The following OPHN1 variants were observed in gnomAD, a reference collection of about 807,000 sequenced individuals.
OPHN1 encodes the protein oligophrenin-1.
A neutral mutation model predicts 60.7 loss-of-function variants in OPHN1; 11 were observed. The ratio of observed to expected loss-of-function variants is 0.18; its 90% confidence interval spans 0.11 to 0.30. OPHN1 has a LOEUF of 0.30. Ranked by LOEUF, OPHN1 falls within the 10% of genes least tolerant of loss-of-function variation. The probability of loss-of-function intolerance (pLI) is 1.00; values close to 1 mark genes in which losing one functional copy is unlikely to be tolerated. For missense variants in OPHN1, 449 were observed against 611.0 expected, an observed-to-expected ratio of 0.73 and a Z score of 2.80; for synonymous variants, 226 against 222.6, an observed-to-expected ratio of 1.02 and a Z score of -0.14.
intron 5 of OPHN1, among the ~76,000 whole-genome samples, chrX:68,238,820 C>T (rs2077765736): frequency 9.0e-6 from 1 of 111,163 alleles, no homozygotes; most frequent in Non-Finnish European, 1.9e-5. Flanking sequence ...CCCAAGGCAG[C>T]ATCTAGGGGC....
At position 68,376,149 on chromosome X, in the gene OPHN1, TC is replaced by T. The variant is rs201607296; in HGVS notation, c.154+56717del. Among the ~76,000 whole-genome samples, 96 of 111,527 alleles carry T rather than the reference TC, an allele frequency of 8.6e-4. No individual in the cohort carries two copies. The East Asian group carries it at 9.6e-3, about 11-fold the overall frequency. ...CAATTATTTCAAGTCAGCAAGCATT[TC>T]CTTAATGCCAATCCTAGCACTAAGA... On this transcript the variant is annotated intron_variant, in intron 2 of 24. Coordinates refer to ENST00000355520, the MANE Select transcript of OPHN1 (RefSeq NM_002547.3).
At chrX:68,420,508 T>C (rs1268269592) in intron 2 of OPHN1, among the ~76,000 whole-genome samples, 7 of 112,115 alleles carry the variant, frequency 6.2e-5, no homozygotes, top group Non-Finnish European at 1.1e-4. Context: ...CATCTACCTA[T>C]ATATCCACAT....
chrX:68,109,699 C>G (rs2077096186), intron 18 of OPHN1, among the ~76,000 whole-genome samples: 1 of 111,408 alleles, frequency 9.0e-6, no homozygotes, highest in Non-Finnish European at 1.9e-5. Context: ...AAAAGAAAAG[C>G]TAGCATATTA....
At chrX:68,132,847 C>G (rs1397333080) in intron 15 of OPHN1, 3 of 268,992 alleles carry the variant, frequency 1.1e-5, no homozygotes, top group Non-Finnish European at 2.0e-5. Context: ...CGCTCCCGGT[C>G]CCTGGCCCGT....
At chrX:68,238,340 G>T (rs896691972) in intron 5 of OPHN1, among the ~76,000 whole-genome samples, 1 of 109,712 alleles carries the variant, frequency 9.1e-6, no homozygotes, top group Non-Finnish European at 1.9e-5. Flanking sequence ...ACCAATATCC[G>T]ACTGTTTTCA....
chrX:68,255,689 A>G (rs1333745663), intron 5 of OPHN1, among the ~76,000 whole-genome samples: 2 of 110,174 alleles, frequency 1.8e-5, no homozygotes, highest in African/African-American at 6.6e-5. Context: ...GTACAATCAT[A>G]TAAGAGAATT....
chrX:68,231,412 T>TA (rs1463991512), intron 6 of OPHN1, among the ~76,000 whole-genome samples: 1 of 111,863 alleles, frequency 8.9e-6, no homozygotes, highest in Non-Finnish European at 1.9e-5. Context: ...CGACACTAGA[T>TA]AAAATCTTAC....
At chrX:68,407,356 A>G (rs773415203) in intron 2 of OPHN1, among the ~76,000 whole-genome samples, 1 of 112,267 alleles carries the variant, frequency 8.9e-6, no homozygotes, top group Admixed American at 9.5e-5. Flanking sequence ...AAATAGGGAT[A>G]ATGATGCCTA....
At chrX:68,122,916 CA>C (rs1239447578) in intron 15 of OPHN1, among the ~76,000 whole-genome samples, 1 of 111,091 alleles carries the variant, frequency 9.0e-6, no homozygotes, top group Admixed American at 9.6e-5. Context: ...GAGAAAGAGA[CA>C]GGGGTAGCAA....
At chrX:68,385,097 A>G (rs2078617825) in intron 2 of OPHN1, among the ~76,000 whole-genome samples, 1 of 111,765 alleles carries the variant, frequency 8.9e-6, no homozygotes, top group Non-Finnish European at 1.9e-5. Context: ...GTATTTAAAT[A>G]AGCCCCTCAA....
At chrX:68,332,282 T>TAA (rs1288170818) in intron 2 of OPHN1, among the ~76,000 whole-genome samples, 1 of 111,435 alleles carries the variant, frequency 9.0e-6, no homozygotes, top group Non-Finnish European at 1.9e-5. Context: ...AACTGGCAGT[T>TAA]AAGCATTCAC....
At chrX:68,099,893 G>A (rs2077051210) in intron 18 of OPHN1, among the ~76,000 whole-genome samples, 1 of 112,179 alleles carries the variant, frequency 8.9e-6, no homozygotes, top group Admixed American at 9.5e-5. Flanking sequence ...ACCTCTGGCA[G>A]AATGAGAGGC....
At chrX:68,115,453 A>T (rs190310694) in intron 16 of OPHN1, among the ~76,000 whole-genome samples, 197 of 112,543 alleles carry the variant, frequency 1.8e-3, no homozygotes, top group African/African-American at 5.9e-3. Context: ...CATAAAGGAG[A>T]TTGACTAAAA....
chrX:68,322,787 G>A (rs748540011), intron 2 of OPHN1, among the ~76,000 whole-genome samples: 50 of 110,878 alleles, frequency 4.5e-4, no homozygotes, highest in African/African-American at 1.6e-3. Context: ...ACCCTGTCTC[G>A]AAACAAAATA....
At chrX:68,343,368 AG>A (rs754253001) in intron 2 of OPHN1, among the ~76,000 whole-genome samples, 73 of 109,532 alleles carry the variant, frequency 6.7e-4, no homozygotes, top group African/African-American at 2.4e-3. Context: ...AGATCACTTG[AG>A]GTCAGGAGTT....
intron 2 of OPHN1, among the ~76,000 whole-genome samples, chrX:68,336,621 A>G (rs1314872836): frequency 1.8e-5 from 2 of 110,606 alleles, no homozygotes; most frequent in Non-Finnish European, 1.9e-5. Context: ...TAACCGATGT[A>G]AAAGGCAATT....
At chrX:68,233,078 G>A (rs940739475) in intron 6 of OPHN1, among the ~76,000 whole-genome samples, 2 of 110,751 alleles carry the variant, frequency 1.8e-5, no homozygotes, top group Admixed American at 1.9e-4. Context: ...ACAGACATGT[G>A]CCACTATGCC....
chrX:68,219,958 C>CA (rs2077643594), intron 6 of OPHN1, among the ~76,000 whole-genome samples: 2 of 83,510 alleles, frequency 2.4e-5, no homozygotes, highest in African/African-American at 4.5e-5. Flanking sequence ...AATAGAGACA[C>CA]AAAAAACCCT....
At chrX:68,314,542 C>CA (rs948312921) in intron 2 of OPHN1, among the ~76,000 whole-genome samples, 1 of 109,505 alleles carries the variant, frequency 9.1e-6, no homozygotes, top group Non-Finnish European at 1.9e-5. Flanking sequence ...TCCTCCCAAC[C>CA]AAAAAAAATA....
Sources: gnomAD v4.1 joint callset for allele counts (sites outside exome capture counted in the v4.1 genomes callset) on GRCh38, gnomAD v4.1.1 for gene constraint, MANE v1.5 for transcripts, NCBI Gene and HGNC (gene_info 2026-07-23, HGNC 2026-07-21) for gene names.